FGF12: variants seen among roughly 807,000 people sequenced by gnomAD.
FGF12 encodes fibroblast growth factor 12B.
In FGF12, 14 loss-of-function variants were observed where a neutral mutation model predicts 23.6. The observed-to-expected ratio is 0.59, with a 90% CI of 0.39 to 0.93. The LOEUF (loss-of-function observed/expected upper bound fraction) is 0.93. Among genes scored for constraint, FGF12 ranks in the 40% least tolerant of loss-of-function variants. FGF12 has a pLI of 0.00. For missense variants in FGF12, 175 were observed against 217.8 expected (o/e 0.80, Z 1.24); for synonymous variants, 62 against 77.3 (o/e 0.80, Z 1.04).
At chr3:192,717,615 T>TG (rs1308341208) in intron 2 of FGF12, among the ~76,000 whole-genome samples, 1 of 152,094 alleles carries the variant, frequency 6.6e-6, no homozygotes, top group African/African-American at 2.4e-5. Flanking sequence ...ATCTGCTTTA[T>TG]GGGAAAAAAA....
intron 3 of FGF12, 97 bp from the exon 4 acceptor site, chr3:192,335,561 G>A: frequency 1.3e-6 from 1 of 754,230 alleles, no homozygotes; most frequent in Non-Finnish European, 2.3e-6. Flanking sequence ...CCTATTAATT[G>A]AACTTGGTAG....
chr3:192,216,376 C>G (rs570691211), intron 4 of FGF12, among the ~76,000 whole-genome samples: 1 of 152,202 alleles, frequency 6.6e-6, no homozygotes, highest in African/African-American at 2.4e-5. Flanking sequence ...TTGTCTTTAA[C>G]AACAAAATGG....
At chr3:192,330,589 G>C (rs1007944265) in intron 4 of FGF12, among the ~76,000 whole-genome samples, 1 of 152,118 alleles carries the variant, frequency 6.6e-6, no homozygotes, top group African/African-American at 2.4e-5. Context: ...ACAAATCTCT[G>C]CATAAGAGGA....
intron 2 of FGF12, among the ~76,000 whole-genome samples, chr3:192,583,950 A>T (rs1299342763): frequency 6.6e-6 from 1 of 152,080 alleles, no homozygotes; most frequent in East Asian, 1.9e-4. Flanking sequence ...CTGCTGACTT[A>T]AAAAAAATCT....
At chr3:192,390,981 T>C (rs1720268350) in intron 2 of FGF12, among the ~76,000 whole-genome samples, 1 of 152,152 alleles carries the variant, frequency 6.6e-6, no homozygotes, top group African/African-American at 2.4e-5. Context: ...CCAGGAGGTA[T>C]CTAGCACGTA....
At chr3:192,441,750 C>G (rs1049944457) in intron 2 of FGF12, among the ~76,000 whole-genome samples, 2 of 152,182 alleles carry the variant, frequency 1.3e-5, no homozygotes, top group African/African-American at 2.4e-5. Flanking sequence ...GAGTCCTTAG[C>G]AATTCTAAGG....
chr3:192,284,503 T>A (rs889995717), intron 4 of FGF12, among the ~76,000 whole-genome samples: 4 of 152,028 alleles, frequency 2.6e-5, no homozygotes, highest in African/African-American at 9.7e-5. Context: ...AGACTCTAGC[T>A]AAATGCAGGA....
At chr3:192,174,584 G>T (rs2058266235) in intron 4 of FGF12, among the ~76,000 whole-genome samples, 2 of 152,128 alleles carry the variant, frequency 1.3e-5, no homozygotes. Context: ...AATCTTAATG[G>T]CACTGAACCA....
intron 3 of FGF12, among the ~76,000 whole-genome samples, chr3:192,340,161 C>T (rs987899988): frequency 6.6e-6 from 1 of 152,052 alleles, no homozygotes; most frequent in African/African-American, 2.4e-5. Flanking sequence ...ACTCTCCCTA[C>T]ATCTTCACAC....
intron 2 of FGF12, among the ~76,000 whole-genome samples, chr3:192,455,822 G>A (rs142368329): frequency 2.0e-5 from 3 of 152,210 alleles, no homozygotes; most frequent in East Asian, 3.9e-4. Flanking sequence ...ATAACCACAC[G>A]CCTCCATGAT....
chr3:192,247,046 AAGGAAGGAAGGAAGGAAGGAAG>A (rs1711651104), intron 4 of FGF12, among the ~76,000 whole-genome samples: 1 of 60,894 alleles, frequency 1.6e-5, no homozygotes, highest in East Asian at 3.8e-4. Flanking sequence ...GGAAGGAAGG[AAGGAAGGAAGGAAGGAAGGAAG>A]GAAGGAAGGA....
chr3:192,379,180 T>C (rs755781699), intron 2 of FGF12, among the ~76,000 whole-genome samples: 1 of 152,212 alleles, frequency 6.6e-6, no homozygotes, highest in East Asian at 1.9e-4. Context: ...GTCGATTGTA[T>C]GACTTTGCTA....
chr3:192,270,174 G>A (rs1371647186), intron 4 of FGF12, among the ~76,000 whole-genome samples: 1 of 152,116 alleles, frequency 6.6e-6, no homozygotes, highest in Non-Finnish European at 1.5e-5. Flanking sequence ...TGACCATAGA[G>A]CTATTTTTCA....
At chr3:192,596,094 A>AAAT (rs1713830373) in intron 2 of FGF12, among the ~76,000 whole-genome samples, 1 of 99,478 alleles carries the variant, frequency 1.0e-5, no homozygotes, top group Non-Finnish European at 2.1e-5. Context: ...CCTGACTCAA[A>AAAT]AATATAATAT....
intron 4 of FGF12, among the ~76,000 whole-genome samples, chr3:192,200,752 T>C (rs565180690): frequency 1.3e-5 from 2 of 152,218 alleles, no homozygotes; most frequent in Non-Finnish European, 2.9e-5. Context: ...AGATGCTATC[T>C]CGACTCTTTA....
intron 4 of FGF12, among the ~76,000 whole-genome samples, chr3:192,328,963 C>A (rs954303305): frequency 1.3e-5 from 2 of 152,076 alleles, no homozygotes; most frequent in African/African-American, 4.8e-5. Flanking sequence ...GTAAGACTAC[C>A]AATTAAACTT....
At chr3:192,203,147 G>A (rs921096829) in intron 4 of FGF12, among the ~76,000 whole-genome samples, 2 of 151,994 alleles carry the variant, frequency 1.3e-5, no homozygotes, top group African/African-American at 4.8e-5. Flanking sequence ...GTGTGTGTGT[G>A]TGTGTGTGTG....
intron 2 of FGF12, among the ~76,000 whole-genome samples, chr3:192,702,714 C>A (rs897187314): frequency 6.6e-6 from 1 of 152,070 alleles, no homozygotes; most frequent in South Asian, 2.1e-4. Flanking sequence ...ATCACTAGAA[C>A]CCGGGAGGAG....
intron 2 of FGF12, among the ~76,000 whole-genome samples, chr3:192,511,260 A>C (rs1026917881): frequency 1.3e-5 from 2 of 148,342 alleles, no homozygotes; most frequent in Non-Finnish European, 3.0e-5. Context: ...CACACCTGCT[A>C]CTATTACTAC....
Sources: gnomAD v4.1 joint callset for allele counts (sites outside exome capture counted in the v4.1 genomes callset) on GRCh38, gnomAD v4.1.1 for gene constraint, MANE v1.5 for transcripts, NCBI Gene and HGNC (gene_info 2026-07-23, HGNC 2026-07-21) for gene names.